The following DSCAM variants were observed in gnomAD, a reference collection of about 807,000 sequenced individuals.
DSCAM encodes the protein DS cell adhesion molecule.
DSCAM carries 47 observed loss-of-function variants against 217.7 expected under a neutral mutation model. That is an observed-to-expected ratio of 0.22 (90% CI 0.17 to 0.28). DSCAM has a LOEUF of 0.28. DSCAM is among the 10% of genes least tolerant of loss of function. The pLI is 1.00. For missense variants in DSCAM, 2,080 were observed against 2,618.3 expected, an observed-to-expected ratio of 0.79 and a Z score of 4.49; for synonymous variants, 1,056 against 1,015.3, an observed-to-expected ratio of 1.04 and a Z score of -0.76.
intron 11 of DSCAM, among the ~76,000 whole-genome samples, chr21:40,257,371 A>AT (rs370510907): frequency 6.6e-6 from 1 of 150,778 alleles, no homozygotes; most frequent in African/African-American, 2.4e-5. Context: ...TTATTGTTGT[A>AT]TTTTTTTGTT....
At chr21:40,715,889 TG>T (rs2090836649) in intron 1 of DSCAM, among the ~76,000 whole-genome samples, 1 of 152,184 alleles carries the variant, frequency 6.6e-6, no homozygotes, top group South Asian at 2.1e-4. Context: ...TTTATCCTCT[TG>T]TATCCTAAAA....
intron 3 of DSCAM, among the ~76,000 whole-genome samples, chr21:40,425,030 G>A (rs1365581734): frequency 1.3e-5 from 2 of 152,058 alleles, no homozygotes; most frequent in Admixed American, 1.3e-4. Flanking sequence ...CCTGGGGGGT[G>A]GAGGTTGCAG....
At chr21:40,222,040 C>G (rs766949699) in intron 11 of DSCAM, among the ~76,000 whole-genome samples, 1 of 152,170 alleles carries the variant, frequency 6.6e-6, no homozygotes, top group Non-Finnish European at 1.5e-5. Flanking sequence ...ATTTGACAAA[C>G]ATTTTCTCAA....
intron 5 of DSCAM, among the ~76,000 whole-genome samples, chr21:40,350,783 T>C (rs2123639122): frequency 6.6e-6 from 1 of 151,858 alleles, no homozygotes; most frequent in African/African-American, 2.4e-5. Context: ...GAATTTCTGA[T>C]TCATTTTGGA....
chr21:40,162,196 C>A (rs555709828), intron 16 of DSCAM, among the ~76,000 whole-genome samples: 1 of 152,340 alleles, frequency 6.6e-6, no homozygotes, highest in East Asian at 1.9e-4. Flanking sequence ...CTGACAGTCA[C>A]CAGCCTTCAG....
At chr21:40,586,376 A>G (rs1331610454) in intron 3 of DSCAM, among the ~76,000 whole-genome samples, 3 of 152,236 alleles carry the variant, frequency 2.0e-5, no homozygotes, top group Non-Finnish European at 4.4e-5. Flanking sequence ...AGACTAACAC[A>G]GAAAATCTTG....
At chr21:40,381,622 T>C (rs372918593) in intron 3 of DSCAM, among the ~76,000 whole-genome samples, 9 of 152,330 alleles carry the variant, frequency 5.9e-5, no homozygotes, top group East Asian at 5.8e-4. Flanking sequence ...GCAAAACACA[T>C]TGAAAATTAA....
At chr21:40,792,124 T>TCCTCTA (rs779102463) in intron 1 of DSCAM, among the ~76,000 whole-genome samples, 1 of 77,912 alleles carries the variant, frequency 1.3e-5, no homozygotes, top group East Asian at 3.6e-4. Flanking sequence ...TGTCCTAATC[T>TCCTCTA]CTTCTTCTTC....
chr21:40,477,722 C>A (rs1047087950), intron 3 of DSCAM, among the ~76,000 whole-genome samples: 1 of 152,108 alleles, frequency 6.6e-6, no homozygotes, highest in African/African-American at 2.4e-5. Context: ...AGAATATTAT[C>A]AAAATGATAT....
chr21:40,067,742 T>C (rs1370880236), intron 27 of DSCAM, among the ~76,000 whole-genome samples: 69 of 39,822 alleles, frequency 1.7e-3, no homozygotes, highest in African/African-American at 7.6e-3. Context: ...CCTCCCCTCA[T>C]TCCCTCCCTC....
At chr21:40,843,363 CATGCATGTGTGTGTGT>C (rs2092117500) in intron 1 of DSCAM, among the ~76,000 whole-genome samples, 2 of 125,302 alleles carry the variant, frequency 1.6e-5, no homozygotes, top group Non-Finnish European at 1.6e-5. Flanking sequence ...GTCAGGAATG[CATGCATGTGTGTGTGT>C]GTGTGTGTGT....
intron 8 of DSCAM, among the ~76,000 whole-genome samples, chr21:40,323,910 C>G (rs2074287260): frequency 6.6e-6 from 1 of 151,652 alleles, no homozygotes; most frequent in African/African-American, 2.4e-5. Context: ...TTGAGGCCAG[C>G]CTGGCCAACA....
At chr21:40,359,974 G>A (rs2074739924) in intron 4 of DSCAM, among the ~76,000 whole-genome samples, 1 of 152,072 alleles carries the variant, frequency 6.6e-6, no homozygotes, top group East Asian at 1.9e-4. Flanking sequence ...TACGAAACCT[G>A]AATGAGGTAT....
chr21:40,415,691 C>T (rs2075364344), intron 3 of DSCAM, among the ~76,000 whole-genome samples: 1 of 152,196 alleles, frequency 6.6e-6, no homozygotes, highest in African/African-American at 2.4e-5. Flanking sequence ...GGAGATCTCA[C>T]ACCCTGGCAA....
intron 15 of DSCAM, among the ~76,000 whole-genome samples, chr21:40,170,930 C>A (rs887051074): frequency 6.6e-6 from 1 of 152,094 alleles, no homozygotes; most frequent in Non-Finnish European, 1.5e-5. Context: ...AGAGTTGCAA[C>A]CTTGATTTTC....
At chr21:40,731,865 A>G (rs939912487) in intron 1 of DSCAM, among the ~76,000 whole-genome samples, 3 of 151,534 alleles carry the variant, frequency 2.0e-5, no homozygotes, top group African/African-American at 7.3e-5. Context: ...AGCAGATGGG[A>G]TTACAGGTGT....
chr21:40,382,501 C>T (rs2075036534), intron 3 of DSCAM, among the ~76,000 whole-genome samples: 1 of 152,162 alleles, frequency 6.6e-6, no homozygotes, highest in Admixed American at 6.5e-5. Context: ...TTTAAAACTG[C>T]AACATCATTT....
At chr21:40,393,447 TA>T (rs2075151759) in intron 3 of DSCAM, among the ~76,000 whole-genome samples, 1 of 152,220 alleles carries the variant, frequency 6.6e-6, no homozygotes, top group Non-Finnish European at 1.5e-5. Context: ...GCCACTTTAC[TA>T]AATGTATATG....
In DSCAM at chr21:40,021,166, G is replaced by A. The variant is rs896640642; in HGVS notation, c.5687-7780C>T. Among the ~76,000 whole-genome samples the A allele has an allele frequency of 2.3e-5, 3 of 131,700 alleles. No individual in the cohort carries two copies. The Admixed American group carries it at 2.6e-4, about 11-fold the overall frequency. 86.4% of individuals were successfully genotyped at this position (131,700 alleles called of 152,430 possible). On this transcript the variant is annotated intron_variant, in intron 32 of 32. Transcript: ENST00000400454. ...CACAGGGAGGCAGAAAGAAAGAAACGTAGCACTCTAACCTGGGCGATAGAG... is the reference window on the plus strand; with the variant it reads ...CACAGGGAGGCAGAAAGAAAGAAACATAGCACTCTAACCTGGGCGATAGAG...
Sources: gnomAD v4.1 joint callset for allele counts (sites outside exome capture counted in the v4.1 genomes callset) on GRCh38, gnomAD v4.1.1 for gene constraint, MANE v1.5 for transcripts, NCBI Gene and HGNC (gene_info 2026-07-23, HGNC 2026-07-21) for gene names.